Variants in FLVCR1 observed in about 807,000 individuals in gnomAD.
The protein encoded by FLVCR1 is choline/ethanolamine transporter FLVCR1.
FLVCR1 carries 34 observed loss-of-function variants against 53.6 expected under a neutral mutation model. That is an observed-to-expected ratio of 0.63 (90% CI 0.48 to 0.84). The LOEUF (loss-of-function observed/expected upper bound fraction) is 0.84, where lower values mean the gene tolerates loss of function less well. Ranked by LOEUF, FLVCR1 falls within the 40% of genes least tolerant of loss-of-function variation. The probability of loss-of-function intolerance (pLI) is 0.00; values close to 1 mark genes in which losing one functional copy is unlikely to be tolerated. For missense variants in FLVCR1, 677 were observed against 696.7 expected (o/e 0.97, Z 0.32); for synonymous variants, 300 against 286.3 (o/e 1.05, Z -0.48).
In FLVCR1 at chr1:212,895,422, A is replaced by G. The variant is rs1341092559; in HGVS notation, c.*132A>G. ...ACACTTACTTGAAAATTACCATATG[A>G]ACTCTAAATGCATAATTATTATTTT... On this transcript the variant is annotated 3_prime_UTR_variant, in exon 10 of 10. Transcript: ENST00000366971. 1 of 708,696 alleles carries G rather than the reference A, an allele frequency of 1.4e-6. No homozygotes were observed. The allele number at this position is 708,696 out of a possible 1,614,324, so 43.9% of individuals were successfully genotyped here.
intron 2 of FLVCR1, among the ~76,000 whole-genome samples, chr1:212,869,716 A>G (rs985216710): frequency 6.6e-6 from 1 of 152,176 alleles, no homozygotes; most frequent in Non-Finnish European, 1.5e-5. Flanking sequence ...TTGTGTTTTT[A>G]GTAGAGACAA....
At position 212,858,449 on chromosome 1, in the gene FLVCR1, G is replaced by A. The variant is rs1266355133; in HGVS notation, c.-4G>A. 3.5e-6 allele frequency: 5 copies of A among 1,435,378 alleles called. No homozygotes were observed. The African/African-American group carries it at 4.3e-5, about 12-fold the overall frequency. 88.9% of individuals were successfully genotyped at this position (1,435,378 alleles called of 1,614,324 possible). ...GAGCGAGGTGGCGCCGGGGAGCCTG[G>A]GATATGGCGCGGCCAGACGATGAGG... is the stretch of plus-strand genomic sequence containing the variant. On this transcript the variant is annotated 5_prime_UTR_variant, in exon 1 of 10. Coordinates refer to ENST00000366971, the MANE Select transcript of FLVCR1 (RefSeq NM_014053.4).
chr1:212,893,750 A>AT (rs749205299), intron 8 of FLVCR1, among the ~76,000 whole-genome samples: 165 of 152,242 alleles, frequency 1.1e-3, no homozygotes, highest in Middle Eastern at 6.8e-3. Flanking sequence ...AATCATTAGC[A>AT]TTTTTTAGCA....
At chr1:212,894,204 T>C (rs183425094) in intron 8 of FLVCR1, among the ~76,000 whole-genome samples, 2 of 152,132 alleles carry the variant, frequency 1.3e-5, no homozygotes, top group Non-Finnish European at 2.9e-5. Flanking sequence ...CCAAAAAATA[T>C]GTGCAGTGGT....
At chr1:212,886,239 CACCA>C (rs1665062466) in intron 5 of FLVCR1, among the ~76,000 whole-genome samples, 1 of 151,610 alleles carries the variant, frequency 6.6e-6, no homozygotes, top group Admixed American at 6.6e-5. Context: ...GACAGTGTTT[CACCA>C]TGTTGCCCAG....
At chr1:212,890,237 T>C (rs1020040148) in intron 8 of FLVCR1, among the ~76,000 whole-genome samples, 1 of 152,212 alleles carries the variant, frequency 6.6e-6, no homozygotes, top group African/African-American at 2.4e-5. Flanking sequence ...GTGCATACTT[T>C]TAAAATGTCA....
At chr1:212,868,073 G>A (rs548709676) in intron 2 of FLVCR1, among the ~76,000 whole-genome samples, 14 of 152,174 alleles carry the variant, frequency 9.2e-5, no homozygotes, top group African/African-American at 3.1e-4. Flanking sequence ...AAAGTGCTGG[G>A]ATTACAGGTG....
At chr1:212,872,118 C>CT (rs996900479) in intron 2 of FLVCR1, among the ~76,000 whole-genome samples, 28 of 150,752 alleles carry the variant, frequency 1.9e-4, no homozygotes, top group South Asian at 6.3e-4. Flanking sequence ...TTTTATTTTC[C>CT]TTTTTTTTTG....
At position 212,885,426 on chromosome 1, in the gene FLVCR1, A is replaced by G. The variant is rs763787405; in HGVS notation, c.1196+30A>G. On this transcript the variant is annotated intron_variant, in intron 5 of 9. Coordinates refer to ENST00000366971, the MANE Select transcript of FLVCR1 (RefSeq NM_014053.4). ...GTGAAAGTAAATACATGTATGGTGT[A>G]TAACCAAAGGTATTTTGATTTTAAA... 22 of 1,486,146 alleles carry G rather than the reference A, an allele frequency of 1.5e-5. No homozygotes were observed. In the South Asian group the frequency reaches 2.3e-4, roughly 15 times the overall value. 92.1% of individuals were successfully genotyped at this position (1,486,146 alleles called of 1,614,324 possible).
At chr1:212,862,983 T>C (rs986157497) in intron 1 of FLVCR1, among the ~76,000 whole-genome samples, 2 of 152,264 alleles carry the variant, frequency 1.3e-5, no homozygotes, top group Non-Finnish European at 2.9e-5. Flanking sequence ...TCAAGTCTTT[T>C]GCCCATTTTA....
chr1:212,885,319 T>C lies in FLVCR1; in HGVS notation c.1119T>C (p.Ile373=), dbSNP rs1332906911. The part of the protein sequence containing the change: ...YEGEEVNAGR[I]GLTLVVAGMV... ...GAGAAGAAGTCAATGCTGGAAGGAT[T>C]GGGCTAACGCTAGTAGTAGCTGGAA... Residue 373 remains isoleucine, a synonymous_variant, in exon 5 of 10, where the codon ATT becomes ATC. Coordinates refer to ENST00000366971, the MANE Select transcript of FLVCR1 (RefSeq NM_014053.4). 6.2e-7 allele frequency: 1 copy of C among 1,614,078 alleles called. No homozygotes were observed. The highest frequency in any genetic ancestry group is 1.1e-5 in the South Asian group (1 of 91,090).
intron 1 of FLVCR1, 52 bp downstream of exon 1, chr1:212,859,242 G>A: frequency 1.2e-6 from 2 of 1,613,236 alleles, no homozygotes; most frequent in Non-Finnish European, 1.7e-6. Flanking sequence ...ACCGGAAAAA[G>A]TCATAGGCCG....
At chr1:212,863,520 G>A in intron 1 of FLVCR1, 1 of 508,358 alleles carries the variant, frequency 2.0e-6, no homozygotes, top group Non-Finnish European at 3.6e-6. Context: ...ACCTGGGAGG[G>A]AGAGGTTGCA....
At chr1:212,860,334 G>A (rs1348435792) in intron 1 of FLVCR1, among the ~76,000 whole-genome samples, 1 of 82,626 alleles carries the variant, frequency 1.2e-5, no homozygotes, top group African/African-American at 3.4e-5. Flanking sequence ...CTATTATAAA[G>A]TTTTTTGTGT....
At position 212,895,459 on chromosome 1, in the gene FLVCR1, AAATTAAGGGAAATTTTCTTAAAATTCTTC is replaced by A; in HGVS notation, c.*170_*198del. The A allele has an allele frequency of 1.6e-6, 1 of 631,216 alleles. No homozygotes were observed. Among genetic ancestry groups the A allele is most frequent in the Non-Finnish European group, 2.8e-6 (1 of 351,514 alleles). 39.1% of individuals were successfully genotyped at this position (631,216 alleles called of 1,614,324 possible). ...ATAATTATTATTTTGCTTAATTGTT[AAATTAAGGGAAATTTTCTTAAAATTCTTC>A]TGTTTACATCATGTTAACACTACTG... On this transcript the variant is annotated 3_prime_UTR_variant, in exon 10 of 10. Transcript: ENST00000366971.
chr1:212,894,986 C>T lies in FLVCR1; in HGVS notation c.1526C>T (p.Ala509Val). 1 of 1,598,656 alleles carries T rather than the reference C, an allele frequency of 6.3e-7. No individual in the cohort carries two copies. The highest frequency in any genetic ancestry group is 1.3e-5 in the African/African-American group (1 of 74,682). The change falls in exon 9 of 10, where the codon GCA (alanine) becomes GTA (valine). Residue 509 changes from alanine to valine, a missense_variant and splice_region_variant. Coordinates refer to ENST00000366971, the MANE Select transcript of FLVCR1 (RefSeq NM_014053.4). ...GTAACTTGATGCCCCTCTGTTTCAGCATTAATCAAGTCTGATCTGCGAAGA... is the reference window on the plus strand; with the variant it reads ...GTAACTTGATGCCCCTCTGTTTCAGTATTAATCAAGTCTGATCTGCGAAGA... ...VWMFIGIILTALIKSDLRRHN... is the reference protein window; with the variant it reads ...VWMFIGIILTVLIKSDLRRHN...
In FLVCR1 at chr1:212,858,731, C is replaced by T. The variant is rs765148657; in HGVS notation, c.279C>T (p.Ala93=). 1 of 1,610,092 alleles carries T rather than the reference C, an allele frequency of 6.2e-7. No homozygotes were observed. Among genetic ancestry groups the T allele is most frequent in the Non-Finnish European group, 8.5e-7 (1 of 1,178,914 alleles). The part of the protein sequence containing the change: ...PAGAGAETPG[A]ESSPLPLTAL... ...GCGCGGGAGCTGAGACCCCGGGGGC[C>T]GAGAGCAGCCCGCTGCCCCTTACGG... Residue 93 remains alanine, a synonymous_variant, in exon 1 of 10, where the codon GCC becomes GCT. Coordinates refer to ENST00000366971, the MANE Select transcript of FLVCR1 (RefSeq NM_014053.4).
rs1430329940 is a variant in FLVCR1 at position 212,897,210 on chromosome 1, T to TAAATAAATAAAA, written c.*1923_*1924insTAAATAAAAAAA. ...ATAAATAAATAAATAAATAAATAAA[T>TAAATAAATAAAA]AAAACCTGAGGTTGAGCACGATGGC... On this transcript the variant is annotated 3_prime_UTR_variant, in exon 10 of 10. Coordinates refer to ENST00000366971, the MANE Select transcript of FLVCR1 (RefSeq NM_014053.4). 155 of 102,106 alleles carry TAAATAAATAAAA rather than the reference T, an allele frequency of 1.5e-3. No homozygotes were observed. The highest frequency in any genetic ancestry group is 5.0e-3 in the African/African-American group (150 of 30,264). The allele number at this position is 102,106 out of a possible 1,614,324, so 6.3% of individuals were successfully genotyped here. A position where few individuals can be genotyped will look rare whatever the true frequency, so the allele number is the denominator to read the frequency against.
chr1:212,886,042 C>CTTTT (rs5780703), intron 5 of FLVCR1, among the ~76,000 whole-genome samples: 24,135 of 120,810 alleles, frequency 0.2, 3,256 homozygotes, highest in East Asian at 0.42. Context: ...TTATCTTGTT[C>CTTTT]TTTTTTTTTT....
Sources: gnomAD v4.1 joint callset for allele counts (sites outside exome capture counted in the v4.1 genomes callset) on GRCh38, gnomAD v4.1.1 for gene constraint, MANE v1.5 for transcripts, NCBI Gene and HGNC (gene_info 2026-07-23, HGNC 2026-07-21) for gene names.